Variants in SERPINA12 observed in about 807,000 individuals in gnomAD.
SERPINA12 encodes the protein serpin A12.
SERPINA12 carries 21 observed loss-of-function variants against 25.9 expected under a neutral mutation model. The observed-to-expected ratio is 0.81, with a 90% CI of 0.58 to 1.17. The LOEUF (loss-of-function observed/expected upper bound fraction) is 1.17. SERPINA12 is among the 50% of genes most tolerant of loss of function. The pLI, the probability that SERPINA12 is intolerant of heterozygous loss-of-function variation, is 0.00. For synonymous variants in SERPINA12, 220 were observed against 196.0 expected (o/e 1.12, Z -1.02); for missense variants, 562 against 508.3 (o/e 1.11, Z -1.02).
intron 1 of SERPINA12, among the ~76,000 whole-genome samples, chr14:94,508,232 A>G (rs1901002931): frequency 1.3e-5 from 2 of 152,280 alleles, no homozygotes; most frequent in South Asian, 4.1e-4. Context: ...AGCTTAATCA[A>G]TAAATGATTT....
chr14:94,505,876 G>T (rs556647801), intron 1 of SERPINA12, among the ~76,000 whole-genome samples: 1 of 152,348 alleles, frequency 6.6e-6, no homozygotes, highest in African/African-American at 2.4e-5. Flanking sequence ...GGTAGCCACA[G>T]GTGGGCTGCC....
intron 3 of SERPINA12, among the ~76,000 whole-genome samples, chr14:94,491,818 C>T (rs544564512): frequency 5.9e-5 from 9 of 151,430 alleles, no homozygotes; most frequent in African/African-American, 1.7e-4. Flanking sequence ...ATTACACATC[C>T]TGGGGACATT....
upstream of SERPINA12, among the ~76,000 whole-genome samples, chr14:94,510,450 TA>T (rs949540955): frequency 9.1e-4 from 138 of 151,698 alleles, no homozygotes; most frequent in African/African-American, 2.9e-3. Context: ...AAAATAAAAA[TA>T]AAAAAAATAG....
chr14:94,505,804 C>T lies in SERPINA12; in HGVS notation c.-34+3538G>A, dbSNP rs111907709. On this transcript the variant is annotated intron_variant, in intron 1 of 4. Coordinates refer to ENST00000677451, the MANE Select transcript of SERPINA12 (RefSeq NM_001382267.1). ...GGGTAGGGATGCCCACTGAGCGACA[C>T]GGGCAGCACTGGGGATGCCTGAGTT... Among the ~76,000 whole-genome samples the T allele has an allele frequency of 2.9e-3, 445 of 152,320 alleles. 5 individuals carry two copies. The highest frequency in any genetic ancestry group is 9.9e-3 in the African/African-American group (411 of 41,568).
chr14:94,490,896 GC>G lies in SERPINA12; in HGVS notation c.906-1130del, dbSNP rs577777668. ...CTTCTCCTCCTTCCCCACCACTCCT[GC>G]CCCTGTCGGGCTCCACCCCTCCCAT... On this transcript the variant is annotated intron_variant, in intron 3 of 4. Coordinates refer to ENST00000677451, the MANE Select transcript of SERPINA12 (RefSeq NM_001382267.1). 2.2e-4 allele frequency among the ~76,000 whole-genome samples: 34 copies of G among 152,086 alleles called. No individual in the cohort carries two copies. The South Asian group carries it at 2.9e-3, about 13-fold the overall frequency.
At chr14:94,493,876 C>T (rs1364312906) in intron 3 of SERPINA12, among the ~76,000 whole-genome samples, 5 of 152,170 alleles carry the variant, frequency 3.3e-5, no homozygotes, top group African/African-American at 9.7e-5. Context: ...GGTGGCAGTG[C>T]CCAGGGAACA....
At chr14:94,509,957 G>A, upstream of SERPINA12, 1 of 984,968 alleles carries the variant, frequency 1.0e-6, no homozygotes, top group Non-Finnish European at 1.2e-6. Context: ...CCAGCCGCCT[G>A]GCACAGATGT....
chr14:94,517,486 A>AT (rs1901265201), exon 1 of SERPINA12: 2 of 152,326 alleles, frequency 1.3e-5, no homozygotes, highest in Admixed American at 6.5e-5. Context: ...AGAGGGAGTG[A>AT]TACTGATCAC....
At chr14:94,503,761 G>A (rs932582064) in intron 1 of SERPINA12, among the ~76,000 whole-genome samples, 2 of 152,208 alleles carry the variant, frequency 1.3e-5, no homozygotes, top group African/African-American at 4.8e-5. Context: ...GATGGATCCA[G>A]CCTCTATCCT....
chr14:94,515,128 C>T (rs1047961473), intron 2 of SERPINA12, among the ~76,000 whole-genome samples: 5 of 152,202 alleles, frequency 3.3e-5, no homozygotes, highest in African/African-American at 1.2e-4. Flanking sequence ...GCCACGGTTA[C>T]CAATGTTGGC....
At chr14:94,489,116 AAAGG>A (rs376154670) in intron 4 of SERPINA12, among the ~76,000 whole-genome samples, 14 of 151,240 alleles carry the variant, frequency 9.3e-5, no homozygotes, top group Admixed American at 1.3e-4. Flanking sequence ...TAAAAGAAAG[AAAGG>A]AAGGAAGGAA....
At chr14:94,507,697 G>A (rs866903052) in intron 1 of SERPINA12, among the ~76,000 whole-genome samples, 1 of 152,190 alleles carries the variant, frequency 6.6e-6, no homozygotes, top group Non-Finnish European at 1.5e-5. Context: ...CCAGCCACAC[G>A]AGGACGTGGA....
At chr14:94,496,756 G>A (rs577056212) in intron 2 of SERPINA12, 113 bp from the exon 3 acceptor site, 79 of 858,946 alleles carry the variant, frequency 9.2e-5, no homozygotes, top group Admixed American at 2.1e-4. Flanking sequence ...GGGATATTCC[G>A]GGATATCAGG....
At chr14:94,510,769 A>C (rs1310455141), upstream of SERPINA12, among the ~76,000 whole-genome samples, 1 of 152,260 alleles carries the variant, frequency 6.6e-6, no homozygotes, top group African/African-American at 2.4e-5. Context: ...AGCCATAAAA[A>C]GGAATGAAAT....
intron 4 of SERPINA12, among the ~76,000 whole-genome samples, chr14:94,488,969 C>T (rs528740091): frequency 9.2e-5 from 14 of 151,944 alleles, no homozygotes; most frequent in South Asian, 2.1e-4. Flanking sequence ...TGGTGGCGGG[C>T]GCCTGTAATC....
intron 3 of SERPINA12, among the ~76,000 whole-genome samples, chr14:94,490,943 C>T (rs1900155273): frequency 6.6e-6 from 1 of 152,204 alleles, no homozygotes; most frequent in Non-Finnish European, 1.5e-5. Context: ...GACACTGCTG[C>T]TTCCAGGCTC....
At chr14:94,491,705 A>G (rs1595685773) in intron 3 of SERPINA12, among the ~76,000 whole-genome samples, 1 of 152,154 alleles carries the variant, frequency 6.6e-6, no homozygotes, top group East Asian at 1.9e-4. Flanking sequence ...TGGCTTGAGC[A>G]ACTAAAAAGA....
chr14:94,488,527 A>C (rs377532166), intron 4 of SERPINA12, among the ~76,000 whole-genome samples: 35 of 152,246 alleles, frequency 2.3e-4, no homozygotes, highest in African/African-American at 7.9e-4. Flanking sequence ...ACATCCACTG[A>C]AATTTGAATT....
chr14:94,510,730 T>A (rs1901089186), upstream of SERPINA12, among the ~76,000 whole-genome samples: 1 of 152,134 alleles, frequency 6.6e-6, no homozygotes, highest in Non-Finnish European at 1.5e-5. Flanking sequence ...AAAGAAAATG[T>A]GGTATATACA....
Sources: gnomAD v4.1 joint callset for allele counts (sites outside exome capture counted in the v4.1 genomes callset) on GRCh38, gnomAD v4.1.1 for gene constraint, MANE v1.5 for transcripts, NCBI Gene and HGNC (gene_info 2026-07-23, HGNC 2026-07-21) for gene names.